The following LRRC4C variants were observed in gnomAD, a reference collection of about 807,000 sequenced individuals.
LRRC4C encodes leucine rich repeat containing 4C.
LRRC4C carries 5 observed loss-of-function variants against 33.6 expected under a neutral mutation model. That is an observed-to-expected ratio of 0.15 (90% CI 0.08 to 0.31). The LOEUF is 0.31. Ranked by LOEUF, LRRC4C falls within the 10% of genes least tolerant of loss-of-function variation. The pLI is 1.00. For missense variants in LRRC4C, 560 were observed against 796.7 expected (o/e 0.70, Z 3.58); for synonymous variants, 329 against 302.0 (o/e 1.09, Z -0.93).
intron 3 of LRRC4C, among the ~76,000 whole-genome samples, chr11:40,326,387 C>A (rs995793453): frequency 6.6e-6 from 1 of 151,914 alleles, no homozygotes; most frequent in Non-Finnish European, 1.5e-5. Context: ...GATGGTGAAA[C>A]CCAGTCTCTA....
chr11:40,503,195 G>A (rs1246983300), intron 3 of LRRC4C, among the ~76,000 whole-genome samples: 1 of 152,066 alleles, frequency 6.6e-6, no homozygotes, highest in African/African-American at 2.4e-5. Context: ...CCTCTGTGAA[G>A]GTATGTAAAA....
chr11:40,318,714 C>T (rs1590299895), intron 4 of LRRC4C, among the ~76,000 whole-genome samples: 2 of 152,270 alleles, frequency 1.3e-5, no homozygotes, highest in South Asian at 4.1e-4. Flanking sequence ...CTAAACTGTT[C>T]CCTCCACCTG....
intron 3 of LRRC4C, among the ~76,000 whole-genome samples, chr11:40,631,293 C>G (rs1233150000): frequency 6.6e-6 from 1 of 152,092 alleles, no homozygotes; most frequent in Middle Eastern, 3.2e-3. Flanking sequence ...AAAGTTAAAT[C>G]ACACTGGAGA....
chr11:40,475,277 A>G (rs916205468), intron 3 of LRRC4C, among the ~76,000 whole-genome samples: 3 of 152,180 alleles, frequency 2.0e-5, no homozygotes, highest in Non-Finnish European at 4.4e-5. Flanking sequence ...AGCCATAAAA[A>G]AGGAAAAGTT....
intron 2 of LRRC4C, among the ~76,000 whole-genome samples, chr11:40,708,844 A>G (rs1946315851): frequency 6.6e-6 from 1 of 152,064 alleles, no homozygotes; most frequent in Non-Finnish European, 1.5e-5. Context: ...TGGGAGTCTA[A>G]GTCTCCTTGT....
In LRRC4C at chr11:40,193,594, C is replaced by T. The variant is rs571284709; in HGVS notation, c.-96+47925G>A. On this transcript the variant is annotated intron_variant, in intron 5 of 6. Transcript: ENST00000528697. Reference sequence around the variant, plus strand: ...TCGCCAGCAAGGGAACAAAACTGGGCGGAGAATGAGTATGACTAATTGACA... The same window carrying T: ...TCGCCAGCAAGGGAACAAAACTGGGTGGAGAATGAGTATGACTAATTGACA... Among the ~76,000 whole-genome samples the T allele has an allele frequency of 9.2e-5, 14 of 152,150 alleles. No homozygotes were observed. The East Asian group carries it at 1.8e-3, about 19-fold the overall frequency.
intron 4 of LRRC4C, among the ~76,000 whole-genome samples, chr11:40,314,145 A>G (rs1020610255): frequency 1.3e-5 from 2 of 152,116 alleles, no homozygotes; most frequent in Non-Finnish European, 1.5e-5. Context: ...AAGAGCTCAA[A>G]CATCCTGACA....
chr11:40,946,854 C>T (rs910811778), intron 1 of LRRC4C, among the ~76,000 whole-genome samples: 1 of 152,116 alleles, frequency 6.6e-6, no homozygotes, highest in African/African-American at 2.4e-5. Flanking sequence ...CCAAGATTGA[C>T]CACACGCTCA....
chr11:41,365,418 A>G (rs1292662680), intron 1 of LRRC4C, among the ~76,000 whole-genome samples: 1 of 152,114 alleles, frequency 6.6e-6, no homozygotes, highest in Non-Finnish European at 1.5e-5. Context: ...TAATAGAAAT[A>G]AAATGCACAA....
chr11:41,344,328 C>G (rs976693255), intron 1 of LRRC4C, among the ~76,000 whole-genome samples: 3 of 147,816 alleles, frequency 2.0e-5, no homozygotes, highest in Non-Finnish European at 4.4e-5. Flanking sequence ...TCATGCCATT[C>G]TCCTGCTTCA....
intron 2 of LRRC4C, among the ~76,000 whole-genome samples, chr11:40,739,731 C>G (rs78136672): frequency 0.029 from 4,365 of 152,028 alleles, 61 homozygotes; most frequent in Non-Finnish European, 0.034. Context: ...TATTCACACT[C>G]TCTCCTGCTT....
chr11:40,813,411 G>T (rs1256136338), intron 2 of LRRC4C, among the ~76,000 whole-genome samples: 3 of 152,118 alleles, frequency 2.0e-5, no homozygotes, highest in Admixed American at 6.6e-5. Flanking sequence ...ATCAGATCTT[G>T]TAAGGCTTAT....
intron 2 of LRRC4C, among the ~76,000 whole-genome samples, chr11:40,861,160 A>G (rs983000208): frequency 6.6e-6 from 1 of 152,176 alleles, no homozygotes; most frequent in Non-Finnish European, 1.5e-5. Context: ...AATTATGTAA[A>G]GAATACCCTC....
intron 1 of LRRC4C, among the ~76,000 whole-genome samples, chr11:40,993,539 T>G (rs901397578): frequency 1.3e-5 from 2 of 152,208 alleles, no homozygotes; most frequent in Non-Finnish European, 2.9e-5. Flanking sequence ...TTGAAACTTT[T>G]TAGGCACTCC....
chr11:40,915,389 C>T (rs1956908805), intron 2 of LRRC4C, among the ~76,000 whole-genome samples: 1 of 152,076 alleles, frequency 6.6e-6, no homozygotes, highest in African/African-American at 2.4e-5. Context: ...AGAAATAATG[C>T]CACATATCTA....
At chr11:41,107,562 A>T (rs1941579990) in intron 1 of LRRC4C, among the ~76,000 whole-genome samples, 1 of 152,186 alleles carries the variant, frequency 6.6e-6, no homozygotes, top group Non-Finnish European at 1.5e-5. Flanking sequence ...AAAATATATC[A>T]AACCAATTAA....
chr11:40,523,972 C>T (rs1348214356), intron 3 of LRRC4C, among the ~76,000 whole-genome samples: 4 of 152,038 alleles, frequency 2.6e-5, no homozygotes, highest in Admixed American at 2.0e-4. Context: ...CATTTTTCTT[C>T]GCAAATAAAA....
At chr11:41,146,429 T>C (rs951501805) in intron 1 of LRRC4C, among the ~76,000 whole-genome samples, 2 of 152,178 alleles carry the variant, frequency 1.3e-5, no homozygotes, top group Non-Finnish European at 2.9e-5. Flanking sequence ...CTTGACTATA[T>C]TTAGAATTCC....
intron 1 of LRRC4C, among the ~76,000 whole-genome samples, chr11:41,121,067 T>G (rs1443541986): frequency 2.0e-5 from 3 of 152,182 alleles, no homozygotes. Context: ...CTCAGGTAAT[T>G]CTTTATAGTA....
Sources: gnomAD v4.1 joint callset for allele counts (sites outside exome capture counted in the v4.1 genomes callset) on GRCh38, gnomAD v4.1.1 for gene constraint, MANE v1.5 for transcripts, NCBI Gene and HGNC (gene_info 2026-07-23, HGNC 2026-07-21) for gene names.